FANCD2OS: variants seen among roughly 807,000 people sequenced by gnomAD.
FANCD2OS encodes FANCD2 opposite strand protein.
A neutral mutation model predicts 13.2 loss-of-function variants in FANCD2OS; 11 were observed. The observed-to-expected ratio is 0.83, with a 90% CI of 0.52 to 1.38. FANCD2OS has a LOEUF of 1.38. Ranked by LOEUF, FANCD2OS falls within the 40% of genes most tolerant of loss-of-function variation. FANCD2OS has a pLI of 0.00. For missense variants in FANCD2OS, 217 were observed against 213.9 expected, an observed-to-expected ratio of 1.01 and a Z score of -0.09; for synonymous variants, 69 against 84.5, an observed-to-expected ratio of 0.82 and a Z score of 1.01.
chr3:10,089,323 T>C (rs1347706144), intron 2 of FANCD2OS, among the ~76,000 whole-genome samples: 1 of 151,856 alleles, frequency 6.6e-6, no homozygotes, highest in African/African-American at 2.4e-5. Context: ...GTCCAACGTA[T>C]ATAGCTTCCA....
intron 2 of FANCD2OS, chr3:10,092,329 T>C (rs910535022): frequency 9.3e-7 from 1 of 1,080,594 alleles, no homozygotes; most frequent in Non-Finnish European, 1.4e-6. Context: ...AAATGGACTT[T>C]CCTTGCTCCT....
Position 10,104,691 on chromosome 3 carries a change from G to A in FANCD2OS, c.84C>T (p.Ser28=), listed in dbSNP as rs140543769. The change falls in exon 2 of 2, where the codon TCC becomes TCT. Residue 28 remains serine, a synonymous_variant. Transcript: ENST00000450660. ...QWLRHTTPTP[S]SKHPFKASPC... ...GGGAGGCCTTGAATGGGTGCTTGGA[G>A]GAAGGTGTAGGTGTCGTGTGCCGCA... 78 of 1,613,906 alleles carry A rather than the reference G, an allele frequency of 4.8e-5. No homozygotes were observed. The African/African-American group carries it at 9.9e-4, about 20-fold the overall frequency.
intron 2 of FANCD2OS, chr3:10,088,706 G>T: frequency 8.4e-7 from 1 of 1,186,986 alleles, no homozygotes; most frequent in South Asian, 1.2e-5. Flanking sequence ...AGATCCTCTG[G>T]TTCTGTTTTA....
intron 2 of FANCD2OS, among the ~76,000 whole-genome samples, chr3:10,082,431 A>T (rs767176870): frequency 1.3e-5 from 2 of 152,048 alleles, no homozygotes; most frequent in African/African-American, 2.4e-5. Flanking sequence ...CCTAACATAA[A>T]CCCAGTTTGA....
chr3:10,099,950 C>G (rs1021772122), downstream of FANCD2OS, among the ~76,000 whole-genome samples: 2 of 152,110 alleles, frequency 1.3e-5, no homozygotes, highest in African/African-American at 2.4e-5. Flanking sequence ...AATCGTAGCA[C>G]TTTGTGAGGC....
At chr3:10,094,850 T>A (rs187406076) in intron 2 of FANCD2OS, 16 of 365,490 alleles carry the variant, frequency 4.4e-5, no homozygotes, top group African/African-American at 3.1e-4. Context: ...TTTAGCAAGT[T>A]GAACAAAATA....
At chr3:10,095,362 T>G in intron 2 of FANCD2OS, 1 of 1,040,094 alleles carries the variant, frequency 9.6e-7, no homozygotes, top group Non-Finnish European at 1.5e-6. Context: ...ACCATCCTTC[T>G]TCCTTTATAT....
At chr3:10,097,632 C>T (rs986596436) in intron 2 of FANCD2OS, among the ~76,000 whole-genome samples, 6 of 152,166 alleles carry the variant, frequency 3.9e-5, no homozygotes, top group African/African-American at 1.4e-4. Context: ...TCATATTGCT[C>T]AAACACACAT....
downstream of FANCD2OS, chr3:10,103,220 T>C (rs1695371380): frequency 3.2e-6 from 1 of 310,126 alleles, no homozygotes; most frequent in Non-Finnish European, 6.3e-6. Flanking sequence ...CCGACCAGCC[T>C]GGAGAAACCC....
downstream of FANCD2OS, chr3:10,103,201 G>C: frequency 3.0e-6 from 1 of 336,940 alleles, no homozygotes; most frequent in Admixed American, 3.7e-5. Flanking sequence ...TCGGGAGTTC[G>C]AGACCAGCCC....
intron 2 of FANCD2OS, chr3:10,090,212 A>T: frequency 1.0e-6 from 1 of 992,818 alleles, no homozygotes; most frequent in African/African-American, 1.6e-5. Context: ...GAAGGAAGCT[A>T]CTTTTGGTTC....
At chr3:10,101,210 G>C (rs1440599444), downstream of FANCD2OS, 4 of 1,613,484 alleles carry the variant, frequency 2.5e-6, no homozygotes, top group Admixed American at 3.3e-5. Context: ...GACGAAGTAA[G>C]TGCTGGAGAA....
At chr3:10,083,680 A>AGATCGAGACCGTCCTGGCTAACAC (rs1465733445) in intron 2 of FANCD2OS, 1 of 152,166 alleles carries the variant, frequency 6.6e-6, no homozygotes, top group Non-Finnish European at 1.5e-5. Context: ...TGAGGTCAGG[A>AGATCGAGACCGTCCTGGCTAACAC]GATCGAGACC....
chr3:10,102,147 T>TC (rs1388469545), downstream of FANCD2OS, among the ~76,000 whole-genome samples: 6 of 150,318 alleles, frequency 4.0e-5, no homozygotes, highest in Non-Finnish European at 5.9e-5. Flanking sequence ...TCTTTCCTTT[T>TC]TTTTTTTTTT....
chr3:10,082,077 C>CT (rs1297848908), intron 2 of FANCD2OS, among the ~76,000 whole-genome samples: 1 of 152,192 alleles, frequency 6.6e-6, no homozygotes. Flanking sequence ...GCAACACCTC[C>CT]TTAGATGTGG....
chr3:10,083,780 C>T (rs1335599165), intron 2 of FANCD2OS: 2 of 148,452 alleles, frequency 1.3e-5, no homozygotes, highest in Non-Finnish European at 3.0e-5. Flanking sequence ...CCCAGCTACT[C>T]AAGAGGCTGA....
chr3:10,093,518 T>C (rs1401823756), intron 2 of FANCD2OS, among the ~76,000 whole-genome samples: 3 of 152,176 alleles, frequency 2.0e-5, no homozygotes, highest in Non-Finnish European at 2.9e-5. Context: ...TTCCTATGAA[T>C]TTGAAAACTT....
intron 2 of FANCD2OS, among the ~76,000 whole-genome samples, chr3:10,086,572 C>T (rs1694219220): frequency 1.3e-5 from 2 of 152,092 alleles, no homozygotes; most frequent in South Asian, 2.1e-4. Context: ...CCCTCCACCT[C>T]CTGGGCTCAA....
At chr3:10,087,402 CAAG>C in intron 2 of FANCD2OS, 2 of 785,536 alleles carry the variant, frequency 2.5e-6, no homozygotes, top group Non-Finnish European at 4.0e-6. Context: ...CTTGCTATAC[CAAG>C]AAGGTCATTT....
Sources: gnomAD v4.1 joint callset for allele counts (sites outside exome capture counted in the v4.1 genomes callset) on GRCh38, gnomAD v4.1.1 for gene constraint, MANE v1.5 for transcripts, NCBI Gene and HGNC (gene_info 2026-07-23, HGNC 2026-07-21) for gene names.